EML6: variants seen among roughly 807,000 people sequenced by gnomAD.
EML6 encodes the protein EMAP like 6.
In EML6, 154 loss-of-function variants were observed where a neutral mutation model predicts 240.1. The observed-to-expected ratio is 0.64, with a 90% CI of 0.56 to 0.73. The LOEUF (loss-of-function observed/expected upper bound fraction) is 0.73. EML6 is among the 30% of genes least tolerant of loss of function. EML6 has a pLI of 0.00. For synonymous variants in EML6, 1,148 were observed against 899.0 expected (o/e 1.28, Z -4.95); for missense variants, 2,964 against 2,474.6 (o/e 1.20, Z -4.20).
rs539796983 is a variant in EML6 at position 54,810,561 on chromosome 2, C to T, written c.198-2671C>T. Among the ~76,000 whole-genome samples the T allele has an allele frequency of 9.1e-4, 138 of 152,290 alleles. 1 individual carries two copies. In the South Asian group the frequency reaches 0.026, roughly 29 times the overall value. On this transcript the variant is annotated intron_variant, in intron 2 of 41. Transcript: ENST00000356458. ...TTTAAAATAGAAGCTGTGATCACAG[C>T]AAAATAGTATAATTTATATCTCTTG...
rs931169714 is a variant in EML6, at chr2:54,725,914, A to G, written c.197+656A>G. On this transcript the variant is annotated intron_variant, in intron 2 of 41. Coordinates refer to ENST00000356458, the MANE Select transcript of EML6 (RefSeq NM_001039753.4). The surrounding 1 kb of genome is among the most constrained non-coding windows in gnomAD (Gnocchi z 4.3). ...AAAATCCTACCAGCCAGCCCACACA[A>G]TGACCAACATCTGCTAGCGGATGGC... Among the ~76,000 whole-genome samples the G allele has an allele frequency of 6.6e-6, 1 of 152,216 alleles. No homozygotes were observed. Among genetic ancestry groups the G allele is most frequent in the Admixed American group, 6.5e-5 (1 of 15,284 alleles).
chr2:54,896,641 A>C (rs976803319), intron 21 of EML6, among the ~76,000 whole-genome samples: 3 of 152,346 alleles, frequency 2.0e-5, no homozygotes, highest in Middle Eastern at 6.8e-3. Context: ...TCATATGAGC[A>C]GTCAGAACTT....
intron 2 of EML6, chr2:54,746,962 C>T (rs1447669578): frequency 6.6e-6 from 1 of 152,192 alleles, no homozygotes; most frequent in Non-Finnish European, 1.5e-5. Context: ...ATGTCAATTA[C>T]TGAATGTCTA....
chr2:54,802,738 T>C (rs915108271), intron 2 of EML6, among the ~76,000 whole-genome samples: 9 of 152,262 alleles, frequency 5.9e-5, no homozygotes, highest in African/African-American at 1.7e-4. Context: ...ACTTTACTTA[T>C]GGCTACTATT....
At chr2:54,834,130 C>G (rs1240865055) in intron 7 of EML6, among the ~76,000 whole-genome samples, 1 of 151,944 alleles carries the variant, frequency 6.6e-6, no homozygotes, top group East Asian at 1.9e-4. Flanking sequence ...TGGGAGACAC[C>G]CTGGATGTAA....
intron 2 of EML6, among the ~76,000 whole-genome samples, chr2:54,739,965 G>A (rs1307489333): frequency 2.0e-5 from 3 of 152,178 alleles, no homozygotes; most frequent in Non-Finnish European, 4.4e-5. Context: ...GAGTAGGGTA[G>A]AAAGAAGGCA....
intron 2 of EML6, among the ~76,000 whole-genome samples, chr2:54,744,962 A>C (rs75501186): frequency 0.022 from 1,851 of 85,450 alleles, 49 homozygotes; most frequent in South Asian, 0.054. Flanking sequence ...ACACACACAC[A>C]CCCTGCCATG....
At chr2:54,962,415 G>T (rs751566591) in intron 35 of EML6, 108 bp from the exon 36 acceptor site, 16 of 856,922 alleles carry the variant, frequency 1.9e-5, no homozygotes, top group Non-Finnish European at 2.6e-5. Context: ...TTCACCGGCA[G>T]TCATCATTCT....
chr2:54,926,155 G>C (rs978812402), intron 26 of EML6, among the ~76,000 whole-genome samples: 2 of 152,186 alleles, frequency 1.3e-5, no homozygotes, highest in Non-Finnish European at 2.9e-5. Context: ...AGGCTGTAGT[G>C]CAGTGGTGTG....
intron 5 of EML6, among the ~76,000 whole-genome samples, chr2:54,823,275 G>C (rs1668414691): frequency 2.0e-5 from 3 of 152,150 alleles, no homozygotes; most frequent in African/African-American, 2.4e-5. Flanking sequence ...AGCCTCAGTG[G>C]GTGGGTGAGT....
At position 54,928,364 on chromosome 2, in the gene EML6, A is replaced by C; in HGVS notation, c.3727A>C (p.Asn1243His). 1.3e-6 allele frequency: 2 copies of C among 1,551,948 alleles called. No homozygotes were observed. Among genetic ancestry groups the C allele is most frequent in the Non-Finnish European group, 1.7e-6 (2 of 1,147,064 alleles). Reference protein sequence around the residue: ...KYVGHSAHVTNVRWLHNDSVL... With the variant: ...KYVGHSAHVTHVRWLHNDSVL... ...TGTGGGGCACAGTGCACATGTCACT[A>C]ACGTGAGGTGGCTGCACAATGACTC... is the stretch of plus-strand genomic sequence containing the variant. The change falls in exon 27 of 42, where the codon AAC becomes CAC. Residue 1243 changes from asparagine to histidine, a missense_variant. Physicochemically the swap from Asn to His is moderately conservative, Grantham distance 68. Transcript: ENST00000356458.
chr2:54,833,212 G>T (rs1333766749), intron 7 of EML6, among the ~76,000 whole-genome samples: 1 of 152,192 alleles, frequency 6.6e-6, no homozygotes, highest in Non-Finnish European at 1.5e-5. Flanking sequence ...TATTTATAAA[G>T]ATCACACTTA....
chr2:54,842,507 C>G (rs931405698), intron 7 of EML6, among the ~76,000 whole-genome samples: 1 of 152,120 alleles, frequency 6.6e-6, no homozygotes, highest in African/African-American at 2.4e-5. Context: ...AAGAATACTC[C>G]TATGTCTAGC....
At chr2:54,900,902 G>A (rs959261069) in intron 22 of EML6, among the ~76,000 whole-genome samples, 2 of 152,198 alleles carry the variant, frequency 1.3e-5, no homozygotes, top group East Asian at 1.9e-4. Context: ...GAGAGGTGAC[G>A]AGCTGAGGCT....
At chr2:54,905,373 CACACAA>C (rs1673273411) in intron 24 of EML6, among the ~76,000 whole-genome samples, 3 of 124,020 alleles carry the variant, frequency 2.4e-5, no homozygotes, top group African/African-American at 5.9e-5. Context: ...CACACACACA[CACACAA>C]AATACCTGAT....
intron 2 of EML6, among the ~76,000 whole-genome samples, chr2:54,780,455 ATGCT>A (rs1572888185): frequency 6.6e-6 from 1 of 152,178 alleles, no homozygotes; most frequent in East Asian, 1.9e-4. Flanking sequence ...TTCTTTGCAC[ATGCT>A]TGCTTTCTAG....
In EML6 at chr2:54,735,754, TGTG is replaced by T. The variant is rs534337865; in HGVS notation, c.197+10499_197+10501del. On this transcript the variant is annotated intron_variant, in intron 2 of 41. Transcript: ENST00000356458. ...TTTGCATCCCTTTCAATGTAAGAAA[TGTG>T]GTCTTTTAAGCAACTTTTGAAAATC... Among the ~76,000 whole-genome samples the T allele has an allele frequency of 6.6e-5, 10 of 152,346 alleles. No homozygotes were observed. In the South Asian group the frequency reaches 1.2e-3, roughly 19 times the overall value.
intron 26 of EML6, among the ~76,000 whole-genome samples, chr2:54,926,920 A>G (rs1312362357): frequency 6.6e-6 from 1 of 152,128 alleles, no homozygotes; most frequent in African/African-American, 2.4e-5. Flanking sequence ...GAGGGTGTAG[A>G]GAGGCATTTC....
chr2:54,816,884 G>C lies in EML6; in HGVS notation c.455G>C (p.Arg152Thr). 6.5e-7 allele frequency: 1 copy of C among 1,546,754 alleles called. No individual in the cohort carries two copies. The highest frequency in any genetic ancestry group is 8.8e-7 in the Non-Finnish European group (1 of 1,142,502). Residue 152 changes from arginine to threonine, a missense_variant and splice_region_variant, in exon 4 of 42, where the codon AGG becomes ACG. Physicochemically the swap from Arg to Thr is moderately conservative, Grantham distance 71 (BLOSUM62 -1). Coordinates refer to ENST00000356458, the MANE Select transcript of EML6 (RefSeq NM_001039753.4). ...LLASATGHSD[R>T]IFDISWDPYQ... ...GCGTCAGCCACCGGCCATTCTGACAGGGTAAGAACTTGTTGGATCAAGCTA... is the reference window on the plus strand; with the variant it reads ...GCGTCAGCCACCGGCCATTCTGACACGGTAAGAACTTGTTGGATCAAGCTA...
Sources: gnomAD v4.1 joint callset for allele counts (sites outside exome capture counted in the v4.1 genomes callset) on GRCh38, gnomAD v4.1.1 for gene constraint, Gnocchi (gnomAD v3.1) non-coding constraint, MANE v1.5 for transcripts, NCBI Gene and HGNC (gene_info 2026-07-23, HGNC 2026-07-21) for gene names.